Variants in PDHA1 observed in about 807,000 individuals in gnomAD.
PDHA1 encodes the protein pyruvate dehydrogenase E1 component subunit alpha, somatic form, mitochondrial.
A neutral mutation model predicts 33.0 loss-of-function variants in PDHA1; 1 was observed. The ratio of observed to expected loss-of-function variants is 0.03; its 90% CI spans 0.01 to 0.14. The LOEUF (loss-of-function observed/expected upper bound fraction) is 0.14. Among genes scored for constraint, PDHA1 ranks in the 10% least tolerant of loss-of-function variants. PDHA1 has a pLI of 1.00. For missense variants in PDHA1, 168 were observed against 325.1 expected, an observed-to-expected ratio of 0.52 and a Z score of 3.72; for synonymous variants, 123 against 119.2, an observed-to-expected ratio of 1.03 and a Z score of -0.21.
At chrX:19,344,179 C>CT (rs1226751418) in intron 1 of PDHA1, 85 bp downstream of exon 1, 1 of 877,574 alleles carries the variant, frequency 1.1e-6, no homozygotes, top group East Asian at 3.3e-5. Context: ...CCGGGCCACC[C>CT]AGAGCGGGGT....
rs2147191563 is a variant in PDHA1, at chrX:19,360,157, T to G, written c.*504T>G. On this transcript the variant is annotated 3_prime_UTR_variant, in exon 11 of 11. Coordinates refer to ENST00000422285, the MANE Select transcript of PDHA1 (RefSeq NM_000284.4). ...TTTTGTAATCATTTCAAAGGCCACA[T>G]AACTTAGTTTTCTCTACTTACACAT... 6.6e-6 allele frequency: 1 copy of G among 152,210 alleles called. No homozygotes were observed. Among genetic ancestry groups the G allele is most frequent in the African/African-American group, 3.1e-5 (1 of 31,843 alleles). 12.5% of individuals were successfully genotyped at this position (152,210 alleles called of 1,213,427 possible).
chrX:19,360,925 A>G lies in PDHA1; in HGVS notation c.*1272A>G. 1.5e-6 allele frequency: 1 copy of G among 670,350 alleles called. No homozygotes were observed. The highest frequency in any genetic ancestry group is 2.3e-6 in the Non-Finnish European group (1 of 440,300). The allele number at this position is 670,350 out of a possible 1,213,427, so 55.2% of individuals were successfully genotyped here. On this transcript the variant is annotated 3_prime_UTR_variant, in exon 11 of 11. Coordinates refer to ENST00000422285, the MANE Select transcript of PDHA1 (RefSeq NM_000284.4). ...CCTAATTTAAAAACCTAATGAAAAT[A>G]AAAACATTCTCCTCACATATGGAGG... is the stretch of plus-strand genomic sequence containing the variant.
chrX:19,348,122 C>T (rs1011368541), intron 1 of PDHA1, among the ~76,000 whole-genome samples: 5 of 112,637 alleles, frequency 4.4e-5, no homozygotes, highest in African/African-American at 1.6e-4. Flanking sequence ...TTGGTTTACA[C>T]GTCAGTGTGT....
chrX:19,346,075 T>C (rs930399068), intron 1 of PDHA1, among the ~76,000 whole-genome samples: 1 of 112,336 alleles, frequency 8.9e-6, no homozygotes, highest in Non-Finnish European at 1.9e-5. Flanking sequence ...TTTTTTATAT[T>C]ATACATGTAA....
chrX:19,349,323 G>A lies in PDHA1; in HGVS notation c.69G>A (p.Val23=), dbSNP rs770667770. Residue 23 remains valine (V), a synonymous_variant, in exon 2 of 11, where the codon GTG becomes GTA. Transcript: ENST00000422285. Reference sequence around the variant, plus strand: ...TTTTGTCTTTTAAGGCAAGCAGAGTGCTGGTAGCATCCCGTAATTTTGCAA... The same window carrying A: ...TTTTGTCTTTTAAGGCAAGCAGAGTACTGGTAGCATCCCGTAATTTTGCAA... ...SGASQKPASR[V]LVASRNFAND... The A allele has an allele frequency of 5.0e-5, 59 of 1,180,080 alleles. No homozygotes were observed. Among genetic ancestry groups the A allele is most frequent in the Non-Finnish European group, 6.7e-5 (58 of 868,038 alleles).
intron 5 of PDHA1, chrX:19,353,447 C>G (rs766470008): frequency 1.3e-5 from 5 of 392,980 alleles, no homozygotes; most frequent in Admixed American, 4.1e-5. Context: ...AGTAGAGTCA[C>G]ATGCTGTGCA....
At chrX:19,357,489 A>G (rs2063210940) in intron 8 of PDHA1, 163 bp from the exon 9 acceptor site, 1 of 542,734 alleles carries the variant, frequency 1.8e-6, no homozygotes, top group African/African-American at 2.3e-5. Flanking sequence ...GCTAGAAATG[A>G]GAACAGATCA....
Position 19,344,033 on chromosome X carries a change from G to C in PDHA1, c.-5G>C. The C allele has an allele frequency of 8.3e-7, 1 of 1,208,453 alleles. No homozygotes were observed. The highest frequency in any genetic ancestry group is 1.1e-6 in the Non-Finnish European group (1 of 894,367). ...AGTCGCCGCTGCCGCCACTGCCTGTGCTTCATGAGGAAGATGCTCGCCGCC... is the reference window on the plus strand; with the variant it reads ...AGTCGCCGCTGCCGCCACTGCCTGTCCTTCATGAGGAAGATGCTCGCCGCC... On this transcript the variant is annotated 5_prime_UTR_variant, in exon 1 of 11. Transcript: ENST00000422285.
At chrX:19,345,562 C>G (rs940447133) in intron 1 of PDHA1, among the ~76,000 whole-genome samples, 3 of 69,691 alleles carry the variant, frequency 4.3e-5, no homozygotes, top group Non-Finnish European at 7.4e-5. Context: ...AAGAGCAAGA[C>G]TCCGTATTTT....
At chrX:19,358,393 A>G (rs1241673027) in intron 9 of PDHA1, among the ~76,000 whole-genome samples, 2 of 111,951 alleles carry the variant, frequency 1.8e-5, no homozygotes, top group Non-Finnish European at 3.8e-5. Context: ...TGATATAGGC[A>G]TAAGATACAT....
chrX:19,356,748 T>C (rs13440635), intron 8 of PDHA1, among the ~76,000 whole-genome samples: 7,479 of 92,513 alleles, frequency 0.081, 370 homozygotes, highest in African/African-American at 0.37. Context: ...TTAGGTGTTA[T>C]TGTTTTGCCC....
Position 19,360,516 on chromosome X carries a change from C to T in PDHA1, c.*863C>T, listed in dbSNP as rs187083263. 22 of 306,944 alleles carry T rather than the reference C, an allele frequency of 7.2e-5. No individual in the cohort carries two copies. Among genetic ancestry groups the T allele is most frequent in the South Asian group, 3.2e-4 (7 of 21,992 alleles). 25.3% of individuals were successfully genotyped at this position (306,944 alleles called of 1,213,427 possible). A position where few individuals can be genotyped will look rare whatever the true frequency, so the allele number is the denominator to read the frequency against. On this transcript the variant is annotated 3_prime_UTR_variant, in exon 11 of 11. Transcript: ENST00000422285. ...ACTACAAGTGAATTTCCTAATATTC[C>T]GGGAGGTCAAAACCAAGGCTCACTG...
In PDHA1 at chrX:19,360,770, TG is replaced by T. The variant is rs1165543621; in HGVS notation, c.*1118del. On this transcript the variant is annotated 3_prime_UTR_variant, in exon 11 of 11. Coordinates refer to ENST00000422285, the MANE Select transcript of PDHA1 (RefSeq NM_000284.4). ...GGTATCAAGCCTTGTCTTTGGTTTC[TG>T]AGGCCTCCTGAGCCCTTCTGTACTG... The T allele has an allele frequency of 1.7e-6, 2 of 1,208,997 alleles. No individual in the cohort carries two copies. Among genetic ancestry groups the T allele is most frequent in the Non-Finnish European group, 2.2e-6 (2 of 893,942 alleles).
intron 4 of PDHA1, among the ~76,000 whole-genome samples, chrX:19,351,955 C>T (rs1224047735): frequency 1.3e-4 from 14 of 109,412 alleles, no homozygotes; most frequent in Admixed American, 3.9e-4. Context: ...TGCACCACCA[C>T]ACCTGGCTAA....
chrX:19,357,216 T>G (rs2063208216), intron 8 of PDHA1, among the ~76,000 whole-genome samples: 1 of 111,868 alleles, frequency 8.9e-6, no homozygotes, highest in African/African-American at 3.3e-5. Context: ...CAGGTGATCC[T>G]CCCAAGTAGC....
chrX:19,348,325 A>G (rs951346460), intron 1 of PDHA1, among the ~76,000 whole-genome samples: 2 of 112,128 alleles, frequency 1.8e-5, no homozygotes, highest in African/African-American at 6.5e-5. Flanking sequence ...CAGCCACCCA[A>G]ACATCAAGAG....
chrX:19,345,747 C>A lies in PDHA1; in HGVS notation c.57+1653C>A, dbSNP rs772060569. ...GTTTCCTGTATCAGTTTGCAGGGTCCCCCCCCCCCCGCCACCTTACAGTAG... is the reference window on the plus strand; with the variant it reads ...GTTTCCTGTATCAGTTTGCAGGGTCACCCCCCCCCCGCCACCTTACAGTAG... On this transcript the variant is annotated intron_variant, in intron 1 of 10. Coordinates refer to ENST00000422285, the MANE Select transcript of PDHA1 (RefSeq NM_000284.4). 4.8e-5 allele frequency: 7 copies of A among 145,734 alleles called. 1 individual carries two copies. The highest frequency in any genetic ancestry group is 8.3e-4 in the Middle Eastern group (1 of 1,205). The allele number at this position is 145,734 out of a possible 1,213,427, so 12.0% of individuals were successfully genotyped here. A position where few individuals can be genotyped will look rare whatever the true frequency, so the allele number is the denominator to read the frequency against.
chrX:19,347,479 G>A (rs918711244), intron 1 of PDHA1, among the ~76,000 whole-genome samples: 1 of 112,716 alleles, frequency 8.9e-6, no homozygotes, highest in Middle Eastern at 4.2e-3. Context: ...CCTAATCTTT[G>A]CAGGCGCAAG....
intron 1 of PDHA1, among the ~76,000 whole-genome samples, chrX:19,346,919 C>T (rs944150205): frequency 4.5e-5 from 5 of 111,134 alleles, no homozygotes; most frequent in African/African-American, 6.5e-5. Flanking sequence ...CGTTTTTCCT[C>T]TTTCACATGA....
Sources: gnomAD v4.1 joint callset for allele counts (sites outside exome capture counted in the v4.1 genomes callset) on GRCh38, gnomAD v4.1.1 for gene constraint, MANE v1.5 for transcripts, NCBI Gene and HGNC (gene_info 2026-07-23, HGNC 2026-07-21) for gene names.